PPP3CA: variants seen among roughly 807,000 people sequenced by gnomAD.
The protein encoded by PPP3CA is CAM-PRP catalytic subunit.
PPP3CA carries 14 observed loss-of-function variants against 66.5 expected under a neutral mutation model. That is an observed-to-expected ratio of 0.21 (90% CI 0.14 to 0.33). PPP3CA has a LOEUF of 0.33. Ranked by LOEUF, PPP3CA falls within the 10% of genes least tolerant of loss-of-function variation. The pLI is 1.00. For missense variants in PPP3CA, 317 were observed against 639.5 expected (o/e 0.50, Z 5.44); for synonymous variants, 232 against 226.2 (o/e 1.03, Z -0.23).
intron 1 of PPP3CA, among the ~76,000 whole-genome samples, chr4:101,245,724 CCCA>C (rs1407595947): frequency 3.3e-5 from 5 of 151,782 alleles, no homozygotes; most frequent in Admixed American, 6.6e-5. Flanking sequence ...TGTCCTTCAC[CCCA>C]CCACCAAAAA....
At chr4:101,052,320 TA>T (rs1439342473) in intron 10 of PPP3CA, among the ~76,000 whole-genome samples, 1 of 152,064 alleles carries the variant, frequency 6.6e-6, no homozygotes, top group Non-Finnish European at 1.5e-5. Context: ...CTAAATACGA[TA>T]AGAATCATAC....
intron 1 of PPP3CA, among the ~76,000 whole-genome samples, chr4:101,204,553 G>A (rs888650948): frequency 2.7e-5 from 4 of 149,884 alleles, no homozygotes; most frequent in African/African-American, 4.9e-5. Context: ...GGAGAATGGC[G>A]CAAACCTGGG....
chr4:101,127,686 T>C (rs1722289810), intron 2 of PPP3CA, among the ~76,000 whole-genome samples: 1 of 150,852 alleles, frequency 6.6e-6, no homozygotes, highest in African/African-American at 2.4e-5. Context: ...AGGCCAGCCC[T>C]AAGAAACAAA....
chr4:101,041,177 G>A (rs982991123), intron 10 of PPP3CA, among the ~76,000 whole-genome samples: 1 of 152,062 alleles, frequency 6.6e-6, no homozygotes, highest in Non-Finnish European at 1.5e-5. Context: ...ATTGGATTTA[G>A]TAAGAGACAA....
chr4:101,133,364 C>T (rs1166919895), intron 2 of PPP3CA, among the ~76,000 whole-genome samples: 1 of 152,084 alleles, frequency 6.6e-6, no homozygotes, highest in Admixed American at 6.6e-5. Context: ...CATCTCAGCC[C>T]CAAAAGTCCT....
In PPP3CA at chr4:101,217,175, T is replaced by C. The variant is rs149798462; in HGVS notation, c.59-21059A>G. Among the ~76,000 whole-genome samples, 796 of 152,202 alleles carry C rather than the reference T, an allele frequency of 5.2e-3. 10 individuals are homozygous for C. Among genetic ancestry groups the C allele is most frequent in the African/African-American group, 0.018 (760 of 41,540 alleles). On this transcript the variant is annotated intron_variant, in intron 1 of 13. Transcript: ENST00000394854. ...GGATTTCATTTATCCCTGGAGCACT[T>C]TACTCTGGTATCAATAGTTCTGAAT... is the stretch of plus-strand genomic sequence containing the variant.
At chr4:101,159,115 TAAGTGGCCAA>T (rs1723419130) in intron 2 of PPP3CA, among the ~76,000 whole-genome samples, 1 of 152,114 alleles carries the variant, frequency 6.6e-6, no homozygotes, top group South Asian at 2.1e-4. Flanking sequence ...GAGTTTTAGG[TAAGTGGCCAA>T]AATTCTTAAG....
Position 101,054,769 on chromosome 4 carries a change from G to C in PPP3CA, c.1156+6318C>G, listed in dbSNP as rs756979132. On this transcript the variant is annotated intron_variant, in intron 10 of 13. Coordinates refer to ENST00000394854, the MANE Select transcript of PPP3CA (RefSeq NM_000944.5). Reference sequence around the variant, plus strand: ...TATAGGACATAGATGGTTTCATAGAGGCATGCAAAAAGCTACTCTGATTCC... The same window carrying C: ...TATAGGACATAGATGGTTTCATAGACGCATGCAAAAAGCTACTCTGATTCC... Among the ~76,000 whole-genome samples the C allele has an allele frequency of 1.3e-4, 19 of 151,978 alleles. 1 individual carries two copies. Among genetic ancestry groups the C allele is most frequent in the Non-Finnish European group, 2.8e-4 (19 of 67,942 alleles).
intron 2 of PPP3CA, among the ~76,000 whole-genome samples, chr4:101,174,286 C>T (rs186886923): frequency 1.3e-5 from 2 of 151,946 alleles, no homozygotes; most frequent in African/African-American, 2.4e-5. Flanking sequence ...GAAACATGAA[C>T]CTAAACGATG....
chr4:101,233,771 A>G (rs1726038341), intron 1 of PPP3CA, among the ~76,000 whole-genome samples: 1 of 151,444 alleles, frequency 6.6e-6, no homozygotes, highest in Non-Finnish European at 1.5e-5. Flanking sequence ...GTGCAGGGGT[A>G]CATGTGCAGG....
rs555676221 is a variant in PPP3CA, at chr4:101,073,467, G to A, written c.955+7065C>T. Among the ~76,000 whole-genome samples the A allele has an allele frequency of 5.9e-5, 9 of 151,994 alleles. No individual in the cohort carries two copies. In the South Asian group the frequency reaches 1.9e-3, roughly 32 times the overall value. ...AATTTTTGTATGTTTAGTACAGACG[G>A]GGTTTCACCATATTGGCCAGGCTGG... On this transcript the variant is annotated intron_variant, in intron 8 of 13. Transcript: ENST00000394854.
intron 1 of PPP3CA, among the ~76,000 whole-genome samples, chr4:101,206,935 A>AAG (rs1247870823): frequency 6.6e-6 from 1 of 152,220 alleles, no homozygotes; most frequent in Non-Finnish European, 1.5e-5. Flanking sequence ...CATTAGAATA[A>AAG]AGGTACCATG....
chr4:101,026,191 G>A (rs1037508358), intron 13 of PPP3CA, 130 bp from the exon 14 acceptor site: 21 of 722,564 alleles, frequency 2.9e-5, no homozygotes, highest in African/African-American at 2.3e-4. Context: ...ACAAAGTGAC[G>A]GGACCTGCAC....
intron 1 of PPP3CA, among the ~76,000 whole-genome samples, chr4:101,226,085 C>G (rs2659523): frequency 0.11 from 16,908 of 151,722 alleles, 1,361 homozygotes; most frequent in East Asian, 0.31. Context: ...TTCTACATGA[C>G]AAAAACCTTA....
intron 3 of PPP3CA, 105 bp downstream of exon 3, chr4:101,108,849 T>G: frequency 3.6e-6 from 4 of 1,112,898 alleles, no homozygotes; most frequent in Non-Finnish European, 5.2e-6. Flanking sequence ...GAATTAAATT[T>G]CATTGTTAGA....
chr4:101,308,785 T>C (rs899104905), intron 1 of PPP3CA, among the ~76,000 whole-genome samples: 3 of 152,152 alleles, frequency 2.0e-5, no homozygotes, highest in African/African-American at 7.2e-5. Context: ...CACAAAAAAT[T>C]TCATAATTCA....
At chr4:101,059,479 A>G (rs190436529) in intron 10 of PPP3CA, among the ~76,000 whole-genome samples, 1 of 152,304 alleles carries the variant, frequency 6.6e-6, no homozygotes, top group East Asian at 1.9e-4. Context: ...TAAATCTCAT[A>G]CATTAAATTT....
intron 2 of PPP3CA, among the ~76,000 whole-genome samples, chr4:101,122,481 G>T (rs1337089395): frequency 6.6e-6 from 1 of 152,130 alleles, no homozygotes; most frequent in African/African-American, 2.4e-5. Flanking sequence ...GCTTACAAAA[G>T]GCTTTGGAAT....
At chr4:101,202,861 T>C (rs1725013065) in intron 1 of PPP3CA, among the ~76,000 whole-genome samples, 1 of 152,294 alleles carries the variant, frequency 6.6e-6, no homozygotes. Flanking sequence ...TCTATCCTTG[T>C]CAGAAACCTC....
Sources: allele counts gnomAD v4.1 joint callset (sites outside exome capture counted in the v4.1 genomes callset), GRCh38; gene constraint gnomAD v4.1.1; transcripts MANE v1.5; gene names NCBI Gene and HGNC (gene_info 2026-07-23, HGNC 2026-07-21).